Variants in RETREG1 observed in about 807,000 individuals in gnomAD.
The protein encoded by RETREG1 is reticulophagy regulator 1, also known as family with sequence similarity 134 member B.
Under a neutral mutation model 54.8 loss-of-function variants are expected in RETREG1, and 44 were observed. The observed-to-expected ratio is 0.80, with a 90% CI of 0.63 to 1.03. The LOEUF (loss-of-function observed/expected upper bound fraction) is 1.03, where lower values mean the gene tolerates loss of function less well. RETREG1 is among the 50% of genes least tolerant of loss of function. The probability of loss-of-function intolerance (pLI) is 0.00; values close to 1 mark genes in which losing one functional copy is unlikely to be tolerated. For synonymous variants in RETREG1, 217 were observed against 238.5 expected (o/e 0.91, Z 0.83); for missense variants, 554 against 605.1 (o/e 0.92, Z 0.89).
At chr5:16,550,367 C>A (rs2115066) in intron 3 of RETREG1, among the ~76,000 whole-genome samples, 51,569 of 152,030 alleles carry the variant, frequency 0.34, 10,228 homozygotes, top group Non-Finnish European at 0.44. Context: ...GCTCTCACTG[C>A]TGGAGGTACT....
At chr5:16,601,696 A>G (rs1743059596) in intron 1 of RETREG1, among the ~76,000 whole-genome samples, 1 of 152,340 alleles carries the variant, frequency 6.6e-6, no homozygotes, top group East Asian at 1.9e-4. Context: ...ATACCTGGCC[A>G]GGAAATTATT....
intron 3 of RETREG1, among the ~76,000 whole-genome samples, chr5:16,562,790 A>C (rs1741894963): frequency 6.6e-6 from 1 of 152,242 alleles, no homozygotes; most frequent in East Asian, 1.9e-4. Flanking sequence ...CAAAAACTGG[A>C]ACAGCTAAGA....
At chr5:16,521,075 G>T (rs988657706) in intron 3 of RETREG1, among the ~76,000 whole-genome samples, 13 of 152,176 alleles carry the variant, frequency 8.5e-5, no homozygotes, top group Admixed American at 8.5e-4. Context: ...ACTGAACATG[G>T]TCTTTATAAA....
chr5:16,487,511 C>T (rs1739064264), intron 3 of RETREG1, among the ~76,000 whole-genome samples: 1 of 152,214 alleles, frequency 6.6e-6, no homozygotes, highest in African/African-American at 2.4e-5. Flanking sequence ...AGGGAGAAGT[C>T]ACTACAAGCC....
intron 1 of RETREG1, among the ~76,000 whole-genome samples, chr5:16,583,881 A>G (rs1742558096): frequency 6.6e-6 from 1 of 152,222 alleles, no homozygotes; most frequent in Non-Finnish European, 1.5e-5. Flanking sequence ...ATGAATCTGC[A>G]TTATTTGCTG....
intron 1 of RETREG1, among the ~76,000 whole-genome samples, chr5:16,600,186 A>G (rs147401560): frequency 1.3e-5 from 2 of 152,300 alleles, no homozygotes; most frequent in East Asian, 3.9e-4. Flanking sequence ...TTTTTAGTAG[A>G]GACAGGGTTT....
intron 3 of RETREG1, among the ~76,000 whole-genome samples, chr5:16,528,097 C>T (rs758151012): frequency 6.6e-6 from 1 of 152,052 alleles, no homozygotes; most frequent in Non-Finnish European, 1.5e-5. Context: ...GCGTGAGCCA[C>T]CGCGCCCGGC....
At chr5:16,608,257 C>CT (rs1276983500) in intron 1 of RETREG1, among the ~76,000 whole-genome samples, 2 of 152,074 alleles carry the variant, frequency 1.3e-5, no homozygotes, top group Non-Finnish European at 2.9e-5. Context: ...TTCACCAAAC[C>CT]TTTTTTAACA....
chr5:16,576,778 G>A (rs898318224), intron 1 of RETREG1, among the ~76,000 whole-genome samples: 5 of 151,996 alleles, frequency 3.3e-5, no homozygotes, highest in East Asian at 1.9e-4. Flanking sequence ...CACCGCGCCC[G>A]GCCAATGTTT....
At chr5:16,498,119 T>C (rs974879514) in intron 3 of RETREG1, among the ~76,000 whole-genome samples, 3 of 152,226 alleles carry the variant, frequency 2.0e-5, no homozygotes, top group Non-Finnish European at 4.4e-5. Flanking sequence ...GTTTTCACAA[T>C]ATTTCGGAAT....
At chr5:16,483,168 T>G in intron 4 of RETREG1, 178 bp downstream of exon 4, 3 of 661,120 alleles carry the variant, frequency 4.5e-6, no homozygotes, top group Non-Finnish European at 7.9e-6. Context: ...GGCTGAGGAT[T>G]ATCTAGTGTT....
At chr5:16,526,905 T>A (rs1334778213) in intron 3 of RETREG1, among the ~76,000 whole-genome samples, 1 of 152,204 alleles carries the variant, frequency 6.6e-6, no homozygotes, top group Non-Finnish European at 1.5e-5. Flanking sequence ...TTGGGTACCA[T>A]CTTTGCTACA....
chr5:16,543,472 T>A (rs1203564145), intron 3 of RETREG1, among the ~76,000 whole-genome samples: 1 of 152,100 alleles, frequency 6.6e-6, no homozygotes, highest in Non-Finnish European at 1.5e-5. Flanking sequence ...GGTCAGGAGT[T>A]CGAAACCAGT....
At chr5:16,616,185 G>A (rs945194284) in intron 1 of RETREG1, 76 of 160,578 alleles carry the variant, frequency 4.7e-4, no homozygotes, top group African/African-American at 1.7e-3. Context: ...AAATCATTCA[G>A]GGCCCATCTC....
At chr5:16,608,648 T>G (rs1412287028) in intron 1 of RETREG1, among the ~76,000 whole-genome samples, 2 of 152,174 alleles carry the variant, frequency 1.3e-5, no homozygotes, top group Non-Finnish European at 2.9e-5. Context: ...CTCTCTGAGT[T>G]CAGGCACTGG....
chr5:16,512,747 C>T (rs951084142), intron 3 of RETREG1, among the ~76,000 whole-genome samples: 13 of 152,052 alleles, frequency 8.5e-5, no homozygotes, highest in African/African-American at 2.9e-4. Context: ...TCTTCATATC[C>T]CTTCCCAACT....
rs140194094 is a variant in RETREG1, at chr5:16,536,719, C to A, written c.458+29044G>T. On this transcript the variant is annotated intron_variant, in intron 3 of 8. Coordinates refer to ENST00000306320, the MANE Select transcript of RETREG1 (RefSeq NM_001034850.3). ...ATCACAAATTATCATGGAGTGGGAA[C>A]ATTTTTTGCCAAAAGACTGAAAATC... Among the ~76,000 whole-genome samples, 666 of 152,298 alleles carry A rather than the reference C, an allele frequency of 4.4e-3. 4 individuals carry two copies. The highest frequency in any genetic ancestry group is 0.015 in the African/African-American group (644 of 41,570).
At chr5:16,544,935 T>C (rs968193494) in intron 3 of RETREG1, among the ~76,000 whole-genome samples, 2 of 152,230 alleles carry the variant, frequency 1.3e-5, no homozygotes, top group Admixed American at 1.3e-4. Flanking sequence ...TTTACTCTTT[T>C]ACAAATAGGA....
intron 1 of RETREG1, among the ~76,000 whole-genome samples, chr5:16,574,332 G>A (rs990928525): frequency 3.3e-5 from 5 of 152,178 alleles, no homozygotes; most frequent in African/African-American, 9.7e-5. Flanking sequence ...AAACAATAGA[G>A]AGAAAGTCAA....
Sources: allele counts gnomAD v4.1 joint callset (sites outside exome capture counted in the v4.1 genomes callset), GRCh38; gene constraint gnomAD v4.1.1; transcripts MANE v1.5; gene names NCBI Gene and HGNC (gene_info 2026-07-23, HGNC 2026-07-21).